Variants in ARHGEF10L observed in about 807,000 individuals in gnomAD.
ARHGEF10L encodes the protein Rho guanine nucleotide exchange factor 10 like.
Under a neutral mutation model 141.2 loss-of-function variants are expected in ARHGEF10L, and 69 were observed. The ratio of observed to expected loss-of-function variants is 0.49; its 90% CI spans 0.40 to 0.60. The LOEUF is 0.60. ARHGEF10L is among the 20% of genes least tolerant of loss of function. The pLI, the probability that ARHGEF10L is intolerant of heterozygous loss-of-function variation, is 0.00. For synonymous variants in ARHGEF10L, 711 were observed against 718.5 expected (o/e 0.99, Z 0.17); for missense variants, 1,482 against 1,734.3 (o/e 0.85, Z 2.58).
At chr1:17,650,169 G>A (rs886661082) in intron 22 of ARHGEF10L, among the ~76,000 whole-genome samples, 2 of 152,166 alleles carry the variant, frequency 1.3e-5, no homozygotes, top group African/African-American at 4.8e-5. Flanking sequence ...CAGCACTTTG[G>A]GAGGCTGAGG....
In ARHGEF10L at chr1:17,549,121, C is replaced by T. The variant is rs116787276; in HGVS notation, c.-44+9171C>T. 6.3e-3 allele frequency among the ~76,000 whole-genome samples: 954 copies of T among 151,974 alleles called. 10 individuals carry two copies. Among genetic ancestry groups the T allele is most frequent in the African/African-American group, 0.021 (879 of 41,410 alleles). ...CACTGCATCCTCTGCATCCTGGGTTCGAGCGATTCTCCAGCCTCAGCCTCC... is the reference window on the plus strand; with the variant it reads ...CACTGCATCCTCTGCATCCTGGGTTTGAGCGATTCTCCAGCCTCAGCCTCC... On this transcript the variant is annotated intron_variant, in intron 1 of 28. Coordinates refer to ENST00000361221, the MANE Select transcript of ARHGEF10L (RefSeq NM_018125.4).
chr1:17,661,537 C>T (rs1224028526), intron 25 of ARHGEF10L, among the ~76,000 whole-genome samples: 1 of 152,184 alleles, frequency 6.6e-6, no homozygotes, highest in African/African-American at 2.4e-5. Flanking sequence ...TAGCTCCTAC[C>T]CTAGGCTTCC....
intron 1 of ARHGEF10L, among the ~76,000 whole-genome samples, chr1:17,552,187 G>T (rs1473852297): frequency 6.6e-6 from 1 of 152,188 alleles, no homozygotes; most frequent in East Asian, 1.9e-4. Context: ...CAGATGCCAG[G>T]CAGAGGGCGA....
rs1199521050 is a variant in ARHGEF10L at position 17,644,735 on chromosome 1, G to A, written c.2273-3819G>A. Among the ~76,000 whole-genome samples, 1 of 151,930 alleles carries A rather than the reference G, an allele frequency of 6.6e-6. No individual in the cohort carries two copies. Among genetic ancestry groups the A allele is most frequent in the African/African-American group, 2.4e-5 (1 of 41,342 alleles). The stretch of plus-strand genomic sequence containing the variant: ...AGGAGTCTGGGAGGCAGGTCGGGCT[G>A]GAGAAGCAGGGCTGGGCCCGCGGTG... On this transcript the variant is annotated intron_variant, in intron 21 of 28. Coordinates refer to ENST00000361221, the MANE Select transcript of ARHGEF10L (RefSeq NM_018125.4). This position sits in a 1 kb window ranked among gnomAD's most constrained non-coding sequence, Gnocchi z 4.5.
rs12042966 is a variant in ARHGEF10L at position 17,686,082 on chromosome 1, C to T, written c.3010-1491C>T. Reference sequence around the variant, plus strand: ...GTGTTTGTTTTGTTTTGTTTTTTTTCTTTCTTTCTTTCTTTCTTTCTTTCT... The same window carrying T: ...GTGTTTGTTTTGTTTTGTTTTTTTTTTTTCTTTCTTTCTTTCTTTCTTTCT... On this transcript the variant is annotated intron_variant, in intron 26 of 28. Transcript: ENST00000361221. 2.5e-4 allele frequency among the ~76,000 whole-genome samples: 35 copies of T among 139,428 alleles called. No homozygotes were observed. In the East Asian group the frequency reaches 6.7e-3, roughly 27 times the overall value. 91.5% of individuals were successfully genotyped at this position (139,428 alleles called of 152,430 possible).
rs1330946809 is a variant in ARHGEF10L, at chr1:17,655,940, C to T, written c.2543C>T (p.Ser848Leu). Residue 848 changes from serine (S) to leucine (L), a missense_variant, in exon 24 of 29, where the codon TCG becomes TTG. By Grantham distance (145) the Ser-to-Leu change is moderately radical (BLOSUM62 -2). This residue lies in a region of ARHGEF10L where 858 missense variants were observed against 966.3 expected (regional missense o/e 0.89). Transcript: ENST00000361221. Reference sequence around the variant, plus strand: ...GAAATCTTTTCCTTGAACCGGCCCTCGCCCCGCACCGTCAAGTCCTTCCCA... The same window carrying T: ...GAAATCTTTTCCTTGAACCGGCCCTTGCCCCGCACCGTCAAGTCCTTCCCA... Reference protein sequence around the residue: ...QVEIFSLNRPSPRTVKSFPLA... With the variant: ...QVEIFSLNRPLPRTVKSFPLA... 1.2e-5 allele frequency: 18 copies of T among 1,558,952 alleles called. No individual in the cohort carries two copies. The East Asian group carries it at 1.7e-4, about 14-fold the overall frequency.
chr1:17,561,863 G>A (rs947983872), intron 1 of ARHGEF10L, among the ~76,000 whole-genome samples: 2 of 152,204 alleles, frequency 1.3e-5, no homozygotes, highest in African/African-American at 4.8e-5. Flanking sequence ...TCCTGGCAGA[G>A]CTCCTGTTAG....
At chr1:17,568,059 G>A (rs1243262191) in intron 1 of ARHGEF10L, among the ~76,000 whole-genome samples, 1 of 152,186 alleles carries the variant, frequency 6.6e-6, no homozygotes, top group Admixed American at 6.5e-5. Flanking sequence ...GTCAGATGCT[G>A]CTAGAGGGGC....
At chr1:17,551,152 T>G (rs940915359) in intron 1 of ARHGEF10L, among the ~76,000 whole-genome samples, 1 of 152,000 alleles carries the variant, frequency 6.6e-6, no homozygotes, top group Non-Finnish European at 1.5e-5. Flanking sequence ...GCTTGTGGTT[T>G]TGTTCATTTG....
At position 17,573,989 on chromosome 1, in the gene ARHGEF10L, C is replaced by T. The variant is rs72648418; in HGVS notation, c.-43-6564C>T. On this transcript the variant is annotated intron_variant, in intron 1 of 28. Coordinates refer to ENST00000361221, the MANE Select transcript of ARHGEF10L (RefSeq NM_018125.4). The surrounding 1 kb of genome is among the most constrained non-coding windows in gnomAD (Gnocchi z 4.8). The stretch of plus-strand genomic sequence containing the variant: ...GGTGAAGAGGAAAGGAAGTTGGAGC[C>T]GCCCCCACCTCGGGAAGCCCTTTGA... 0.099 allele frequency among the ~76,000 whole-genome samples: 15,039 copies of T among 152,194 alleles called. 902 individuals carry two copies. The highest frequency in any genetic ancestry group is 0.17 in the Middle Eastern group (49 of 294).
intron 26 of ARHGEF10L, among the ~76,000 whole-genome samples, chr1:17,671,499 A>G (rs1316822333): frequency 4.6e-5 from 7 of 152,214 alleles, no homozygotes; most frequent in South Asian, 2.1e-4. Flanking sequence ...TGGTGTTTCT[A>G]TGGCAACCCC....
chr1:17,584,652 T>C (rs2078870984), intron 2 of ARHGEF10L, among the ~76,000 whole-genome samples: 1 of 152,032 alleles, frequency 6.6e-6, no homozygotes, highest in Admixed American at 6.5e-5. Context: ...TGCAGAGAGA[T>C]GATGCGCAGT....
intron 1 of ARHGEF10L, 54 bp from the exon 2 acceptor site, chr1:17,580,499 C>T: frequency 1.3e-6 from 2 of 1,519,010 alleles, no homozygotes; most frequent in Non-Finnish European, 1.8e-6. Context: ...GTCTCAGTAG[C>T]TGAAACTGCA....
chr1:17,634,019 G>A (rs1443671837), intron 16 of ARHGEF10L, among the ~76,000 whole-genome samples: 2 of 152,228 alleles, frequency 1.3e-5, no homozygotes, highest in Non-Finnish European at 2.9e-5. Context: ...CCCTGCCTCC[G>A]GGAGCTCAGG....
chr1:17,608,123 G>C (rs552654872), intron 7 of ARHGEF10L, 146 bp downstream of exon 7: 24 of 895,018 alleles, frequency 2.7e-5, no homozygotes, highest in Admixed American at 8.0e-5. Flanking sequence ...TGGTGAGAGG[G>C]GAGCCAGAAG....
intron 27 of ARHGEF10L, 43 bp downstream of exon 27, chr1:17,687,790 A>C (rs1382997617): frequency 6.5e-7 from 1 of 1,530,066 alleles, no homozygotes; most frequent in South Asian, 1.3e-5. Context: ...GTCACAGAGC[A>C]CCTTCCACGG....
intron 26 of ARHGEF10L, among the ~76,000 whole-genome samples, chr1:17,686,055 G>C (rs948097350): frequency 4.6e-5 from 7 of 150,884 alleles, no homozygotes; most frequent in African/African-American, 1.7e-4. Context: ...CCAGCTTTTG[G>C]TGTGTTTGTT....
chr1:17,649,970 G>A (rs2061820696), intron 22 of ARHGEF10L, among the ~76,000 whole-genome samples: 1 of 152,196 alleles, frequency 6.6e-6, no homozygotes, highest in Non-Finnish European at 1.5e-5. Flanking sequence ...AGCCTTGCAG[G>A]CTGGGTCAGC....
rs1225996351 is a variant in ARHGEF10L, at chr1:17,697,640, C to T, written c.*260C>T. ...TAAAAGCAAAAAACACAAAACCTCA[C>T]AACTGCCTGGCAAGCCCAGTATCAC... On this transcript the variant is annotated 3_prime_UTR_variant, in exon 29 of 29. Coordinates refer to ENST00000361221, the MANE Select transcript of ARHGEF10L (RefSeq NM_018125.4). This position sits in a 1 kb window ranked among gnomAD's most constrained non-coding sequence, Gnocchi z 4.8. 1.1e-5 allele frequency: 7 copies of T among 629,598 alleles called. No homozygotes were observed. Among genetic ancestry groups the T allele is most frequent in the Non-Finnish European group, 2.1e-5 (7 of 340,746 alleles). The allele number at this position is 629,598 out of a possible 1,614,324, so 39.0% of individuals were successfully genotyped here. A position where few individuals can be genotyped will look rare whatever the true frequency, so the allele number is the denominator to read the frequency against.
Sources: gnomAD v4.1 joint callset for allele counts (sites outside exome capture counted in the v4.1 genomes callset) on GRCh38, gnomAD v4.1.1 for gene constraint, gnomAD v4.1.1 regional missense constraint, Gnocchi (gnomAD v3.1) non-coding constraint, MANE v1.5 for transcripts, NCBI Gene and HGNC (gene_info 2026-07-23, HGNC 2026-07-21) for gene names.